The following SYCP2 variants were observed in gnomAD, a reference collection of about 807,000 sequenced individuals.
SYCP2 encodes synaptonemal complex lateral element protein.
Under a neutral mutation model 211.3 loss-of-function variants are expected in SYCP2, and 55 were observed. The ratio of observed to expected loss-of-function variants is 0.26; its 90% CI spans 0.21 to 0.33. SYCP2 has a LOEUF of 0.33. Among genes scored for constraint, SYCP2 ranks in the 10% least tolerant of loss-of-function variants. SYCP2 has a pLI of 1.00. For missense variants in SYCP2, 1,731 were observed against 1,752.0 expected, an observed-to-expected ratio of 0.99 and a Z score of 0.21; for synonymous variants, 570 against 555.2, an observed-to-expected ratio of 1.03 and a Z score of -0.37.
intron 20 of SYCP2, 126 bp downstream of exon 20, chr20:59,895,311 T>G: frequency 1.4e-6 from 1 of 712,256 alleles, no homozygotes; most frequent in Non-Finnish European, 2.2e-6. Context: ...AATAAATATT[T>G]AGGGGAAAAA....
intron 21 of SYCP2, 79 bp downstream of exon 21, chr20:59,893,445 G>T: frequency 1.1e-6 from 1 of 919,488 alleles, no homozygotes; most frequent in Non-Finnish European, 1.7e-6. Context: ...ATGAAAGCCA[G>T]TGGGGTTAAA....
intron 19 of SYCP2, among the ~76,000 whole-genome samples, chr20:59,896,073 A>T (rs770402196): frequency 9.0e-5 from 13 of 144,646 alleles, no homozygotes; most frequent in African/African-American, 1.5e-4. Context: ...CCACTTATAG[A>T]AAAAAAAACT....
At chr20:59,901,537 A>C in intron 16 of SYCP2, 125 bp downstream of exon 16, 1 of 605,652 alleles carries the variant, frequency 1.7e-6, no homozygotes. Context: ...CAACAGTACA[A>C]ATTTAAAGAA....
Position 59,873,887 on chromosome 20 carries a change from C to T in SYCP2, c.3524G>A (p.Ser1175Asn). 6.2e-7 allele frequency: 1 copy of T among 1,612,468 alleles called. No individual in the cohort carries two copies. Among genetic ancestry groups the T allele is most frequent in the South Asian group, 1.1e-5 (1 of 90,760 alleles). Residue 1175 changes from serine (S) to asparagine (N), a missense_variant, in exon 35 of 45, where the codon AGT (serine) becomes AAT (asparagine). Ser to Asn is a conservative substitution (Grantham distance 46). Around this residue, in one of 3 missense-constraint regions of SYCP2, gnomAD observed 1,387 missense variants for 1,351.3 expected, o/e 1.03. Coordinates refer to ENST00000357552, the MANE Select transcript of SYCP2 (RefSeq NM_014258.4). The part of the protein sequence containing the change: ...NEKNFLCASE[S>N]CSPIPRPLFL... ...CAGTGGTCGTGGAATTGGTGAACAA[C>T]TTTCACTTGCACACAGGAAGTTTTT...
rs1198185010 is a variant in SYCP2, at chr20:59,922,441, A to G, written c.-28T>C. 8.5e-6 allele frequency: 12 copies of G among 1,404,194 alleles called. No individual in the cohort carries two copies. Among genetic ancestry groups the G allele is most frequent in the African/African-American group, 5.9e-5 (4 of 67,894 alleles). 87.0% of individuals were successfully genotyped at this position (1,404,194 alleles called of 1,614,324 possible). On this transcript the variant is annotated 5_prime_UTR_variant, in exon 3 of 45. Coordinates refer to ENST00000357552, the MANE Select transcript of SYCP2 (RefSeq NM_014258.4). ...TGACTTCATTTAAAAAAAAAAAAAA[A>G]GCAAGACAAAATAAACACCTATAAA...
intron 18 of SYCP2, among the ~76,000 whole-genome samples, chr20:59,896,879 GATA>G (rs1217031753): frequency 2.6e-5 from 4 of 152,074 alleles, no homozygotes; most frequent in Admixed American, 6.6e-5. Context: ...ATATCATGAG[GATA>G]ATGTTTGGAT....
chr20:59,886,952 A>G (rs1451895410), intron 24 of SYCP2, 118 bp from the exon 25 acceptor site: 3 of 730,504 alleles, frequency 4.1e-6, no homozygotes, highest in Non-Finnish European at 6.3e-6. Context: ...GAGAGAAATA[A>G]AGAGAGTCAA....
At chr20:59,916,022 T>C (rs2060433840) in intron 8 of SYCP2, among the ~76,000 whole-genome samples, 1 of 151,888 alleles carries the variant, frequency 6.6e-6, no homozygotes, top group Non-Finnish European at 1.5e-5. Flanking sequence ...TATAAAATAA[T>C]GAATATAAAA....
chr20:59,930,371 AAGAT>A (rs1234948041), intron 2 of SYCP2, among the ~76,000 whole-genome samples: 16 of 152,350 alleles, frequency 1.1e-4, no homozygotes. Context: ...CTTCAGAACA[AAGAT>A]AGCATGTGAG....
At chr20:59,893,277 C>A in intron 21 of SYCP2, 78 bp from the exon 22 acceptor site, 2 of 992,822 alleles carry the variant, frequency 2.0e-6, no homozygotes, top group Non-Finnish European at 1.5e-6. Flanking sequence ...GTATAGAAAT[C>A]TATAAAGGTT....
intron 10 of SYCP2, 31 bp from the exon 11 acceptor site, chr20:59,914,282 C>T (rs1600959620): frequency 7.4e-7 from 1 of 1,355,898 alleles, no homozygotes; most frequent in Non-Finnish European, 1.0e-6. Flanking sequence ...GTTTGATTTA[C>T]AATTATGAAA....
intron 14 of SYCP2, among the ~76,000 whole-genome samples, chr20:59,909,175 T>C (rs552921473): frequency 1.1e-4 from 16 of 152,334 alleles, no homozygotes; most frequent in African/African-American, 3.1e-4. Flanking sequence ...ACTTATCCTG[T>C]AGAAATTTGT....
intron 30 of SYCP2, among the ~76,000 whole-genome samples, 181 bp from the exon 31 acceptor site, chr20:59,880,652 T>C (rs1337047225): frequency 1.3e-5 from 2 of 151,784 alleles, no homozygotes; most frequent in African/African-American, 4.8e-5. Flanking sequence ...AGAAAGTCAC[T>C]TGGAAAACCA....
At chr20:59,922,565 G>T in intron 2 of SYCP2, 106 bp from the exon 3 acceptor site, 2 of 496,414 alleles carry the variant, frequency 4.0e-6, no homozygotes, top group Non-Finnish European at 3.4e-6. Flanking sequence ...TATACCAAAG[G>T]CAACATTAAC....
intron 20 of SYCP2, among the ~76,000 whole-genome samples, chr20:59,894,901 T>C (rs1378337258): frequency 6.6e-6 from 1 of 152,122 alleles, no homozygotes; most frequent in Non-Finnish European, 1.5e-5. Context: ...CATTTGACTC[T>C]TTATTGACCT....
intron 14 of SYCP2, among the ~76,000 whole-genome samples, chr20:59,909,683 T>C (rs1239419580): frequency 6.6e-6 from 1 of 152,260 alleles, no homozygotes; most frequent in Non-Finnish European, 1.5e-5. Context: ...CTATGCCCTC[T>C]GTACATCTTT....
intron 15 of SYCP2, among the ~76,000 whole-genome samples, chr20:59,907,105 G>A (rs921368813): frequency 1.3e-5 from 2 of 152,170 alleles, no homozygotes; most frequent in African/African-American, 4.8e-5. Context: ...GGAAGGTCAG[G>A]AGCCTTAAAC....
At chr20:59,884,008 AC>A (rs2059738459) in intron 26 of SYCP2, among the ~76,000 whole-genome samples, 4 of 152,116 alleles carry the variant, frequency 2.6e-5, no homozygotes, top group Admixed American at 2.0e-4. Flanking sequence ...CAATAAAAAA[AC>A]ACTTCTTTAA....
At chr20:59,918,759 C>T (rs2060486877) in intron 7 of SYCP2, among the ~76,000 whole-genome samples, 1 of 152,064 alleles carries the variant, frequency 6.6e-6, no homozygotes, top group Non-Finnish European at 1.5e-5. Flanking sequence ...AACAAATGAA[C>T]ATTTACAATC....
Sources: gnomAD v4.1 joint callset for allele counts (sites outside exome capture counted in the v4.1 genomes callset) on GRCh38, gnomAD v4.1.1 for gene constraint, gnomAD v4.1.1 regional missense constraint, MANE v1.5 for transcripts, NCBI Gene and HGNC (gene_info 2026-07-23, HGNC 2026-07-21) for gene names.